The following ARHGEF38 variants were observed in gnomAD, a reference collection of about 807,000 sequenced individuals.
The protein encoded by ARHGEF38 is Rho guanine nucleotide exchange factor (GEF) 38.
Under a neutral mutation model 79.9 loss-of-function variants are expected in ARHGEF38, and 79 were observed. The observed-to-expected ratio is 0.99, with a 90% CI of 0.82 to 1.19. The LOEUF (loss-of-function observed/expected upper bound fraction) is 1.19, where lower values mean the gene tolerates loss of function less well. ARHGEF38 is among the 50% of genes most tolerant of loss of function. The pLI is 0.00. For synonymous variants in ARHGEF38, 366 were observed against 328.3 expected (o/e 1.11, Z -1.24); for missense variants, 962 against 907.2 (o/e 1.06, Z -0.78).
intron 2 of ARHGEF38, among the ~76,000 whole-genome samples, chr4:105,595,677 C>T (rs972233612): frequency 1.4e-4 from 22 of 152,074 alleles, no homozygotes; most frequent in African/African-American, 4.3e-4. Flanking sequence ...AAGTGTCTGA[C>T]GTAAAATGCA....
intron 10 of ARHGEF38, among the ~76,000 whole-genome samples, chr4:105,665,612 A>C (rs781365806): frequency 2.4e-4 from 36 of 152,188 alleles, no homozygotes; most frequent in Non-Finnish European, 4.6e-4. Context: ...AGATTTAAAA[A>C]TTTTTAAGAG....
At chr4:105,668,772 G>C (rs1043728546) in intron 13 of ARHGEF38, among the ~76,000 whole-genome samples, 1 of 152,168 alleles carries the variant, frequency 6.6e-6, no homozygotes, top group African/African-American at 2.4e-5. Flanking sequence ...AGTAAGCTGG[G>C]CTTGGTGGCT....
intron 3 of ARHGEF38, among the ~76,000 whole-genome samples, chr4:105,614,233 T>C (rs1728423829): frequency 6.6e-6 from 1 of 152,160 alleles, no homozygotes; most frequent in African/African-American, 2.4e-5. Flanking sequence ...GCTAAGAGTT[T>C]TTTAAAATTA....
chr4:105,635,824 C>T (rs1729374436), intron 4 of ARHGEF38, among the ~76,000 whole-genome samples: 1 of 152,010 alleles, frequency 6.6e-6, no homozygotes, highest in Non-Finnish European at 1.5e-5. Context: ...TAATTCTGTG[C>T]TTGATTCCCA....
chr4:105,635,761 C>T (rs568240395), intron 4 of ARHGEF38, among the ~76,000 whole-genome samples: 2 of 152,082 alleles, frequency 1.3e-5, no homozygotes, highest in South Asian at 4.1e-4. Context: ...GTTCTTTAAA[C>T]AGTCGTGAAT....
chr4:105,588,029 A>G (rs1362204280), intron 1 of ARHGEF38, among the ~76,000 whole-genome samples: 1 of 152,194 alleles, frequency 6.6e-6, no homozygotes, highest in Non-Finnish European at 1.5e-5. Flanking sequence ...GAGAGAGCTC[A>G]TTACTTTTTA....
Position 105,561,525 on chromosome 4 carries a change from GAATAGAATAGAATA to G in ARHGEF38, c.196+8565_196+8578del, listed in dbSNP as rs1560684897. The G allele has an allele frequency of 1.3e-3, 198 of 149,280 alleles. 4 individuals carry two copies. The highest frequency in any genetic ancestry group is 2.4e-3 in the Non-Finnish European group (159 of 66,696). The allele number at this position is 149,280 out of a possible 1,614,324, so 9.2% of individuals were successfully genotyped here. A position where few individuals can be genotyped will look rare whatever the true frequency, so the allele number is the denominator to read the frequency against. ...GAATAGAATAGAATAGAATAGAATA[GAATAGAATAGAATA>G]GAAAAGTTTCTTTCCCCAGATCTCT... On this transcript the variant is annotated intron_variant, in intron 1 of 13. Coordinates refer to ENST00000420470, the MANE Select transcript of ARHGEF38 (RefSeq NM_001242729.2).
rs184123354 is a variant in ARHGEF38 at position 105,581,788 on chromosome 4, G to A, written c.197-7460G>A. Among the ~76,000 whole-genome samples the A allele has an allele frequency of 6.6e-5, 10 of 152,012 alleles. No individual in the cohort carries two copies. The East Asian group carries it at 1.9e-3, about 29-fold the overall frequency. On this transcript the variant is annotated intron_variant, in intron 1 of 13. Coordinates refer to ENST00000420470, the MANE Select transcript of ARHGEF38 (RefSeq NM_001242729.2). The stretch of plus-strand genomic sequence containing the variant: ...AATTTCAGTAACTTAAGACTTTGTG[G>A]ATATAATTATGCTATCAATTTTATT...
At chr4:105,552,982 T>A in intron 1 of ARHGEF38, 21 bp downstream of exon 1, 1 of 1,587,006 alleles carries the variant, frequency 6.3e-7, no homozygotes, top group South Asian at 1.1e-5. Flanking sequence ...AGAAATCAAT[T>A]GTCCCAGTTA....
intron 3 of ARHGEF38, among the ~76,000 whole-genome samples, chr4:105,621,784 C>T (rs535792217): frequency 1.7e-4 from 26 of 152,076 alleles, no homozygotes; most frequent in Admixed American, 4.6e-4. Flanking sequence ...TAGGCTTGAC[C>T]TGGTTAATTT....
intron 1 of ARHGEF38, among the ~76,000 whole-genome samples, chr4:105,581,826 C>G (rs1481070432): frequency 1.3e-5 from 2 of 152,020 alleles, no homozygotes; most frequent in Admixed American, 6.6e-5. Context: ...CTGCATCTGA[C>G]TCATGGTATC....
intron 2 of ARHGEF38, among the ~76,000 whole-genome samples, chr4:105,595,810 G>A (rs1347787897): frequency 1.3e-5 from 2 of 151,968 alleles, no homozygotes; most frequent in Non-Finnish European, 2.9e-5. Context: ...ATATTGTTTA[G>A]GGAATAATGA....
chr4:105,590,709 G>C (rs1172206841), intron 2 of ARHGEF38, among the ~76,000 whole-genome samples: 1 of 152,070 alleles, frequency 6.6e-6, no homozygotes, highest in Non-Finnish European at 1.5e-5. Context: ...TTAAGATTTT[G>C]AATAAAATGG....
rs953438237 is a variant in ARHGEF38, at chr4:105,557,001, G to C, written c.196+4040G>C. ...TATTTCAAAAATTCCTCTTCTATTA[G>C]TGACAAGAGCCATCTTAACTTCCAC... On this transcript the variant is annotated intron_variant, in intron 1 of 13. Transcript: ENST00000420470. 3.3e-5 allele frequency among the ~76,000 whole-genome samples: 5 copies of C among 152,076 alleles called. No homozygotes were observed. The East Asian group carries it at 9.6e-4, about 29-fold the overall frequency.
chr4:105,592,415 C>T (rs573897601), intron 2 of ARHGEF38, among the ~76,000 whole-genome samples: 251 of 152,156 alleles, frequency 1.6e-3, no homozygotes, highest in African/African-American at 5.6e-3. Flanking sequence ...TGACAACCTT[C>T]TGATGGCACC....
intron 3 of ARHGEF38, among the ~76,000 whole-genome samples, chr4:105,623,109 C>T (rs1728806277): frequency 6.6e-6 from 1 of 152,170 alleles, no homozygotes. Flanking sequence ...GGGCATAACC[C>T]CTCCAGAATG....
chr4:105,610,055 C>T (rs1216613249), intron 2 of ARHGEF38, among the ~76,000 whole-genome samples: 1 of 152,080 alleles, frequency 6.6e-6, no homozygotes, highest in Non-Finnish European at 1.5e-5. Flanking sequence ...ATGTCCTTTG[C>T]AGAGACATAG....
downstream of ARHGEF38, among the ~76,000 whole-genome samples, chr4:105,681,503 GT>G (rs775626217): frequency 6.6e-6 from 1 of 152,114 alleles, no homozygotes; most frequent in Non-Finnish European, 1.5e-5. Flanking sequence ...TGGATATCCA[GT>G]TTTTTTGCTG....
chr4:105,592,382 C>A (rs977202610), intron 2 of ARHGEF38, among the ~76,000 whole-genome samples: 13 of 152,056 alleles, frequency 8.5e-5, no homozygotes, highest in African/African-American at 2.7e-4. Flanking sequence ...GATGCCCAAG[C>A]CTACTCCCAC....
Sources: gnomAD v4.1 joint callset for allele counts (sites outside exome capture counted in the v4.1 genomes callset) on GRCh38, gnomAD v4.1.1 for gene constraint, MANE v1.5 for transcripts, NCBI Gene and HGNC (gene_info 2026-07-23, HGNC 2026-07-21) for gene names.